DOCK9: variants seen among roughly 807,000 people sequenced by gnomAD.
DOCK9 encodes dedicator of cytokinesis 9.
Under a neutral mutation model 263.3 loss-of-function variants are expected in DOCK9, and 89 were observed. That is an observed-to-expected ratio of 0.34 (90% CI 0.28 to 0.40). The LOEUF is 0.40. Among genes scored for constraint, DOCK9 ranks in the 10% least tolerant of loss-of-function variants. DOCK9 has a pLI of 1.00. For synonymous variants in DOCK9, 976 were observed against 973.1 expected, an observed-to-expected ratio of 1.00 and a Z score of -0.06; for missense variants, 2,140 against 2,603.4, an observed-to-expected ratio of 0.82 and a Z score of 3.87.
chr13:98,794,801 A>C, intron 52 of DOCK9, 53 bp from the exon 53 acceptor site: 1 of 1,598,300 alleles, frequency 6.3e-7, no homozygotes, highest in Non-Finnish European at 8.6e-7. Flanking sequence ...TACCATATGC[A>C]ATGCCATGTT....
intron 12 of DOCK9, 133 bp from the exon 13 acceptor site, chr13:98,902,033 G>C: frequency 1.7e-6 from 2 of 1,165,824 alleles, no homozygotes; most frequent in Non-Finnish European, 1.2e-6. Flanking sequence ...CTAGTTAGCT[G>C]ACAAACAGTT....
At chr13:98,846,223 C>T (rs1324656427) in intron 37 of DOCK9, among the ~76,000 whole-genome samples, 163 bp from the exon 38 acceptor site, 1 of 152,148 alleles carries the variant, frequency 6.6e-6, no homozygotes, top group Non-Finnish European at 1.5e-5. Flanking sequence ...AGCTCCTGCA[C>T]ACTTCACGGC....
Position 98,825,972 on chromosome 13 carries a change from AG to A in DOCK9, c.5023+857del. 1 of 1,463,830 alleles carries A rather than the reference AG, an allele frequency of 6.8e-7. No individual in the cohort carries two copies. The allele number at this position is 1,463,830 out of a possible 1,614,324, so 90.7% of individuals were successfully genotyped here. ...ATGAGGAAATGCATCACCTGATAAA[AG>A]GTCTCAACAGGAAATAGTACCGGTA... is the stretch of plus-strand genomic sequence containing the variant. On this transcript the variant is annotated intron_variant, in intron 44 of 52. Coordinates refer to ENST00000682017, the MANE Select transcript of DOCK9 (RefSeq NM_001366683.2). The surrounding 1 kb of genome is among the most constrained non-coding windows in gnomAD (Gnocchi z 4.1).
rs191920186 is a variant in DOCK9 at position 98,951,157 on chromosome 13, G to A, written c.243+4278C>T. Among the ~76,000 whole-genome samples, 79 of 152,212 alleles carry A rather than the reference G, an allele frequency of 5.2e-4. 1 individual carries two copies. The highest frequency in any genetic ancestry group is 1.9e-3 in the African/African-American group (77 of 41,528). On this transcript the variant is annotated intron_variant, in intron 2 of 52. Transcript: ENST00000682017. The stretch of plus-strand genomic sequence containing the variant: ...GATTTACGCCAAATAAACTGGGTAA[G>A]ACAACAAAACAATAAGAAAAATAAA...
intron 1 of DOCK9, among the ~76,000 whole-genome samples, chr13:99,035,712 G>T (rs192618387): frequency 2.6e-5 from 4 of 152,116 alleles, no homozygotes; most frequent in Non-Finnish European, 4.4e-5. Context: ...ATTGTTTTTT[G>T]ATCTTTGTTA....
intron 1 of DOCK9, among the ~76,000 whole-genome samples, chr13:98,990,185 AG>A (rs915942512): frequency 1.3e-5 from 2 of 152,216 alleles, no homozygotes; most frequent in Non-Finnish European, 2.9e-5. Flanking sequence ...GGCATTTCTA[AG>A]GTTTTCCTTT....
chr13:98,965,191 C>T (rs1475683028), intron 1 of DOCK9, among the ~76,000 whole-genome samples: 1 of 152,054 alleles, frequency 6.6e-6, no homozygotes, highest in Non-Finnish European at 1.5e-5. Context: ...TGGAGAGACA[C>T]ACAGGAAGGT....
At chr13:99,044,715 C>T (rs1888790568) in intron 1 of DOCK9, among the ~76,000 whole-genome samples, 1 of 152,190 alleles carries the variant, frequency 6.6e-6, no homozygotes, top group Non-Finnish European at 1.5e-5. Flanking sequence ...TTTGGGCTCC[C>T]TTATTAACAA....
Position 99,066,105 on chromosome 13 carries a change from A to G in DOCK9, c.129+20118T>C, listed in dbSNP as rs2041403342. Among the ~76,000 whole-genome samples, 5 of 152,222 alleles carry G rather than the reference A, an allele frequency of 3.3e-5. No individual in the cohort carries two copies. In the South Asian group the frequency reaches 1.0e-3, roughly 32 times the overall value. ...ATAAGTAAAAAAGATAAAACTAAACAAAGATCAAGGCTAACACAAGTGTAC... is the reference window on the plus strand; with the variant it reads ...ATAAGTAAAAAAGATAAAACTAAACGAAGATCAAGGCTAACACAAGTGTAC... On this transcript the variant is annotated intron_variant, in intron 1 of 32. Coordinates refer to the DOCK9 transcript ENST00000427887.
Position 98,915,437 on chromosome 13 carries a change from C to T in DOCK9, c.784G>A (p.Ala262Thr), listed in dbSNP as rs1243291254. Residue 262 changes from alanine to threonine, a missense_variant, in exon 8 of 53, where the codon GCA becomes ACA. Ala to Thr is a moderately conservative substitution (Grantham distance 58, BLOSUM62 0). This residue lies in a region of DOCK9 where 1,521 missense variants were observed against 1,741.7 expected (regional missense o/e 0.87). Coordinates refer to ENST00000682017, the MANE Select transcript of DOCK9 (RefSeq NM_001366683.2). The stretch of plus-strand genomic sequence containing the variant: ...TCTTCCATTTCCACTTCACTGTCTG[C>T]TGCCAAGAGATAACTACTTTTGTCC... ...MQDKSSYLLA[A>T]DSEVEMEEWI... The T allele has an allele frequency of 6.2e-7, 1 of 1,613,904 alleles. No homozygotes were observed. The highest frequency in any genetic ancestry group is 1.7e-5 in the Admixed American group (1 of 60,012).
At chr13:99,050,309 A>C (rs1279665564) in intron 1 of DOCK9, among the ~76,000 whole-genome samples, 1 of 152,216 alleles carries the variant, frequency 6.6e-6, no homozygotes, top group Non-Finnish European at 1.5e-5. Flanking sequence ...TTCCCCTTGC[A>C]GTGATACACG....
At chr13:98,954,096 T>A (rs557607281) in intron 2 of DOCK9, among the ~76,000 whole-genome samples, 1 of 152,250 alleles carries the variant, frequency 6.6e-6, no homozygotes, top group African/African-American at 2.4e-5. Context: ...TGCACAGAGC[T>A]GTATACAGTT....
intron 18 of DOCK9, among the ~76,000 whole-genome samples, chr13:98,887,062 G>C (rs1594980100): frequency 1.4e-5 from 2 of 147,610 alleles, no homozygotes; most frequent in African/African-American, 5.0e-5. Context: ...TGTCCACCAA[G>C]ATCTTTTTCT....
chr13:98,900,164 C>T (rs541118901), intron 13 of DOCK9, among the ~76,000 whole-genome samples: 25 of 66,084 alleles, frequency 3.8e-4, no homozygotes, highest in Non-Finnish European at 6.6e-4. Context: ...CTTTACATTC[C>T]ATAAAAAAAT....
At chr13:98,934,303 G>C (rs2054462254) in intron 2 of DOCK9, among the ~76,000 whole-genome samples, 1 of 152,174 alleles carries the variant, frequency 6.6e-6, no homozygotes, top group Non-Finnish European at 1.5e-5. Context: ...CATGGTGACA[G>C]GAAGTACAAG....
intron 46 of DOCK9, 47 bp from the exon 47 acceptor site, chr13:98,809,512 A>T: frequency 2.7e-6 from 4 of 1,461,554 alleles, no homozygotes; most frequent in Non-Finnish European, 3.7e-6. Flanking sequence ...CAAAGAGGAG[A>T]ATCGATTTTA....
At position 99,085,952 on chromosome 13, in the gene DOCK9, A is replaced by C. The variant is rs911611637; in HGVS notation, c.129+271T>G. 5.3e-5 allele frequency among the ~76,000 whole-genome samples: 8 copies of C among 152,120 alleles called. 1 individual carries two copies. Among genetic ancestry groups the C allele is most frequent in the Middle Eastern group, 6.3e-3 (2 of 316 alleles). ...GGGGTGAAAAGAGTGACAGGGCGAC[A>C]TCACTCTGCGGAAATTTCCCAGGAG... On this transcript the variant is annotated intron_variant, in intron 1 of 32. Transcript: ENST00000427887.
At chr13:98,945,470 GCTCTTT>G (rs2140699487) in intron 2 of DOCK9, among the ~76,000 whole-genome samples, 2 of 152,070 alleles carry the variant, frequency 1.3e-5, no homozygotes, top group South Asian at 4.1e-4. Context: ...AAGTATTTTT[GCTCTTT>G]CCTCCTCTGG....
At chr13:98,833,413 C>T (rs2092847812) in intron 39 of DOCK9, among the ~76,000 whole-genome samples, 1 of 152,286 alleles carries the variant, frequency 6.6e-6, no homozygotes, top group South Asian at 2.1e-4. Context: ...CCAGGAGATA[C>T]GGTTTCTACA....
Sources: gnomAD v4.1 joint callset for allele counts (sites outside exome capture counted in the v4.1 genomes callset) on GRCh38, gnomAD v4.1.1 for gene constraint, gnomAD v4.1.1 regional missense constraint, Gnocchi (gnomAD v3.1) non-coding constraint, MANE v1.5 for transcripts, NCBI Gene and HGNC (gene_info 2026-07-23, HGNC 2026-07-21) for gene names.